PIGN: variants seen among roughly 807,000 people sequenced by gnomAD.
PIGN encodes phosphatidylinositol glycan anchor biosynthesis class N.
A neutral mutation model predicts 125.4 loss-of-function variants in PIGN; 117 were observed. The observed-to-expected ratio is 0.93, with a 90% CI of 0.80 to 1.09. The LOEUF is 1.09. Ranked by LOEUF, PIGN falls within the 50% of genes least tolerant of loss-of-function variation. The pLI, the probability that PIGN is intolerant of heterozygous loss-of-function variation, is 0.00. For missense variants in PIGN, 1,075 were observed against 1,094.9 expected (o/e 0.98, Z 0.26); for synonymous variants, 392 against 377.8 (o/e 1.04, Z -0.44).
At chr18:62,103,111 T>C (rs1314477617) in intron 20 of PIGN, among the ~76,000 whole-genome samples, 1 of 152,158 alleles carries the variant, frequency 6.6e-6, no homozygotes, top group East Asian at 1.9e-4. Context: ...AGGATAAAGA[T>C]ACTGCTGGAT....
intron 30 of PIGN, among the ~76,000 whole-genome samples, chr18:62,067,035 T>A (rs181206288): frequency 6.6e-6 from 1 of 152,348 alleles, no homozygotes; most frequent in Non-Finnish European, 1.5e-5. Flanking sequence ...CTTTAGCTTT[T>A]ATCAGTCATA....
At chr18:62,159,028 G>A (rs1383922234) in intron 4 of PIGN, among the ~76,000 whole-genome samples, 1 of 152,196 alleles carries the variant, frequency 6.6e-6, no homozygotes, top group Non-Finnish European at 1.5e-5. Context: ...GAGGCAGGTG[G>A]AGGTCAGGAG....
chr18:62,094,815 G>C (rs949768387), intron 23 of PIGN, among the ~76,000 whole-genome samples: 1 of 152,108 alleles, frequency 6.6e-6, no homozygotes, highest in Non-Finnish European at 1.5e-5. Context: ...GTTAGGCAGG[G>C]GGAAGGGAAA....
rs1345229044 is a variant in PIGN, at chr18:62,044,456, AT to A, written c.*1399del. On this transcript the variant is annotated 3_prime_UTR_variant, in exon 31 of 31. Transcript: ENST00000640252. Reference sequence around the variant, plus strand: ...CATAGCTTCTTAGTTGTCCAGCTAGATTTTATGCTATGAACTGATGCATGAG... The same window carrying A: ...CATAGCTTCTTAGTTGTCCAGCTAGATTTATGCTATGAACTGATGCATGAG... 6.6e-6 allele frequency: 1 copy of A among 152,208 alleles called. No individual in the cohort carries two copies. Among genetic ancestry groups the A allele is most frequent in the Non-Finnish European group, 1.5e-5 (1 of 68,034 alleles). The allele number at this position is 152,208 out of a possible 1,614,324, so 9.4% of individuals were successfully genotyped here. A position where few individuals can be genotyped will look rare whatever the true frequency, so the allele number is the denominator to read the frequency against.
intron 30 of PIGN, among the ~76,000 whole-genome samples, chr18:62,048,532 A>AT (rs2030931446): frequency 6.6e-6 from 1 of 151,992 alleles, no homozygotes; most frequent in Non-Finnish European, 1.5e-5. Context: ...ATGGTGCACC[A>AT]TTTTTCAAGT....
intron 15 of PIGN, among the ~76,000 whole-genome samples, 196 bp downstream of exon 15, chr18:62,114,365 A>C (rs1485355585): frequency 6.6e-6 from 1 of 152,026 alleles, no homozygotes; most frequent in African/African-American, 2.4e-5. Flanking sequence ...GTCTCAAAAA[A>C]AAAAAAAAAA....
chr18:62,153,777 G>C (rs2036621591), intron 7 of PIGN: 1 of 152,094 alleles, frequency 6.6e-6, no homozygotes, highest in Non-Finnish European at 1.5e-5. Context: ...TATATACTAA[G>C]GAGTACATTT....
intron 28 of PIGN, among the ~76,000 whole-genome samples, chr18:62,079,460 C>T (rs1303207098): frequency 2.0e-5 from 3 of 152,170 alleles, no homozygotes; most frequent in Non-Finnish European, 2.9e-5. Context: ...GCTAATGCCA[C>T]ACATTGTGAA....
chr18:62,032,233 C>A (rs962449734), intron 23 of PIGN, among the ~76,000 whole-genome samples: 1 of 152,208 alleles, frequency 6.6e-6, no homozygotes, highest in Non-Finnish European at 1.5e-5. Context: ...TCTTTTGGGG[C>A]ACCCATAATT....
chr18:62,080,105 T>A (rs1299069277), intron 28 of PIGN, among the ~76,000 whole-genome samples: 1 of 152,222 alleles, frequency 6.6e-6, no homozygotes, highest in East Asian at 1.9e-4. Context: ...TTTTGGCTGC[T>A]AGATCACATT....
chr18:62,060,414 G>C (rs2032047618), intron 30 of PIGN, among the ~76,000 whole-genome samples: 1 of 152,210 alleles, frequency 6.6e-6, no homozygotes, highest in Admixed American at 6.5e-5. Context: ...TCCTCTATAA[G>C]GGTGATGGGC....
intron 30 of PIGN, among the ~76,000 whole-genome samples, chr18:62,064,368 G>C (rs2032379063): frequency 6.6e-6 from 1 of 152,202 alleles, no homozygotes; most frequent in Non-Finnish European, 1.5e-5. Flanking sequence ...TCCTGATGAA[G>C]TAGCTATCTG....
At chr18:62,127,884 T>G (rs2035595706) in intron 14 of PIGN, among the ~76,000 whole-genome samples, 1 of 151,896 alleles carries the variant, frequency 6.6e-6, no homozygotes, top group African/African-American at 2.4e-5. Flanking sequence ...TAAACATACA[T>G]AATAGCGGAA....
chr18:62,143,768 C>T (rs1307843483), intron 10 of PIGN, among the ~76,000 whole-genome samples: 1 of 152,100 alleles, frequency 6.6e-6, no homozygotes, highest in Non-Finnish European at 1.5e-5. Context: ...ATGGCAGTTC[C>T]TCCCAAAACA....
chr18:62,139,133 T>C, intron 12 of PIGN, 58 bp from the exon 13 acceptor site: 4 of 1,037,018 alleles, frequency 3.9e-6, no homozygotes, highest in Admixed American at 4.1e-5. Context: ...GCTATCCTTA[T>C]AAAACAAAAC....
At chr18:62,185,494 G>A (rs1007678037) in intron 1 of PIGN, among the ~76,000 whole-genome samples, 1 of 152,024 alleles carries the variant, frequency 6.6e-6, no homozygotes, top group African/African-American at 2.4e-5. Context: ...TATTGAGCCT[G>A]GGTATATTGA....
chr18:62,172,626 A>G (rs2037380766), intron 1 of PIGN, among the ~76,000 whole-genome samples: 1 of 152,168 alleles, frequency 6.6e-6, no homozygotes, highest in African/African-American at 2.4e-5. Context: ...ATGTAAATGC[A>G]AATGTATATT....
At chr18:62,166,126 T>C (rs1229143890) in intron 1 of PIGN, among the ~76,000 whole-genome samples, 1 of 152,110 alleles carries the variant, frequency 6.6e-6, no homozygotes, top group Non-Finnish European at 1.5e-5. Flanking sequence ...CAAGAGGGGA[T>C]GGAATGGAGA....
chr18:62,030,055 G>A (rs72938012), intron 23 of PIGN, among the ~76,000 whole-genome samples: 32,314 of 152,138 alleles, frequency 0.21, 3,752 homozygotes, highest in East Asian at 0.31. Context: ...AGTGAGTTTG[G>A]TCAGCCTCCG....
Sources: allele counts gnomAD v4.1 joint callset (sites outside exome capture counted in the v4.1 genomes callset), GRCh38; gene constraint gnomAD v4.1.1; transcripts MANE v1.5; gene names NCBI Gene and HGNC (gene_info 2026-07-23, HGNC 2026-07-21).